JMJD1C: variants seen among roughly 807,000 people sequenced by gnomAD.
JMJD1C encodes jumonji domain-containing protein 1C.
Under a neutral mutation model 245.3 loss-of-function variants are expected in JMJD1C, and 31 were observed. The ratio of observed to expected loss-of-function variants is 0.13; its 90% CI spans 0.09 to 0.17. JMJD1C has a LOEUF of 0.17. JMJD1C is among the 10% of genes least tolerant of loss of function. The pLI is 1.00. For synonymous variants in JMJD1C, 1,057 were observed against 1,017.4 expected (o/e 1.04, Z -0.74); for missense variants, 2,691 against 3,000.2 (o/e 0.90, Z 2.41).
At chr10:63,230,034 T>C (rs1390900513) in intron 3 of JMJD1C, among the ~76,000 whole-genome samples, 2 of 152,200 alleles carry the variant, frequency 1.3e-5, no homozygotes. Context: ...GTCTAGCATG[T>C]CCACGGGCAA....
intron 2 of JMJD1C, among the ~76,000 whole-genome samples, chr10:63,357,864 CACAG>C (rs1303378198): frequency 8.6e-5 from 11 of 128,462 alleles, no homozygotes; most frequent in South Asian, 5.2e-4. Context: ...CACACACACA[CACAG>C]AGACAAACTC....
intron 1 of JMJD1C, among the ~76,000 whole-genome samples, chr10:63,422,348 T>C (rs1589718071): frequency 6.6e-6 from 1 of 152,006 alleles, no homozygotes; most frequent in South Asian, 2.1e-4. Context: ...GGAGGCGGGG[T>C]TGCAGTGAGC....
intron 1 of JMJD1C, among the ~76,000 whole-genome samples, chr10:63,421,712 A>G (rs1228887678): frequency 1.5e-4 from 23 of 152,212 alleles, no homozygotes; most frequent in Admixed American, 1.5e-3. Flanking sequence ...GAGACCCTGA[A>G]GTGAAATCTG....
intron 1 of JMJD1C, among the ~76,000 whole-genome samples, chr10:63,420,697 A>C (rs1190434382): frequency 6.7e-6 from 1 of 149,530 alleles, no homozygotes. Flanking sequence ...CCTGGGTAAC[A>C]AAACGAGACC....
intron 3 of JMJD1C, among the ~76,000 whole-genome samples, chr10:63,240,899 T>C (rs1186560303): frequency 6.6e-6 from 1 of 152,080 alleles, no homozygotes; most frequent in Non-Finnish European, 1.5e-5. Flanking sequence ...TAAAAAGAAC[T>C]GGAACAAAAA....
intron 1 of JMJD1C, among the ~76,000 whole-genome samples, chr10:63,480,042 G>A (rs534689598): frequency 6.6e-6 from 1 of 151,994 alleles, no homozygotes; most frequent in Non-Finnish European, 1.5e-5. Flanking sequence ...TGGTACTCTA[G>A]AATACCATTA....
At chr10:63,182,846 T>A (rs1474733146) in intron 22 of JMJD1C, among the ~76,000 whole-genome samples, 1 of 151,366 alleles carries the variant, frequency 6.6e-6, no homozygotes, top group Non-Finnish European at 1.5e-5. Flanking sequence ...CTTCAATAAA[T>A]TTTTTTTGTT....
chr10:63,216,268 C>T (rs1166644482), intron 5 of JMJD1C, among the ~76,000 whole-genome samples: 5 of 152,096 alleles, frequency 3.3e-5, no homozygotes, highest in African/African-American at 7.2e-5. Context: ...TGTATAAAGG[C>T]GCTCTATCAG....
chr10:63,233,073 T>G (rs1342419123), intron 3 of JMJD1C, among the ~76,000 whole-genome samples: 2 of 152,304 alleles, frequency 1.3e-5, no homozygotes, highest in South Asian at 4.1e-4. Context: ...ATTTTGACAT[T>G]CTGATCTAGA....
At position 63,189,301 on chromosome 10, in the gene JMJD1C, G is replaced by A; in HGVS notation, c.6437C>T (p.Ala2146Val). 1.2e-6 allele frequency: 2 copies of A among 1,613,686 alleles called. No individual in the cohort carries two copies. Among genetic ancestry groups the A allele is most frequent in the Non-Finnish European group, 1.7e-6 (2 of 1,179,784 alleles). ...GTATAATTTATTATTTTCATCCACTGCAGATATTATGCTTTCTTCAGGCTC... is the reference window on the plus strand; with the variant it reads ...GTATAATTTATTATTTTCATCCACTACAGATATTATGCTTTCTTCAGGCTC... ...KEEPEESIIS[A>V]VDENNKLYSD... The change falls in exon 18 of 26, where the codon GCA becomes GTA. Residue 2146 changes from alanine to valine, a missense_variant. Transcript: ENST00000399262.
chr10:63,199,091 C>T (rs1027017264), intron 11 of JMJD1C, among the ~76,000 whole-genome samples: 4 of 152,120 alleles, frequency 2.6e-5, no homozygotes, highest in African/African-American at 4.8e-5. Flanking sequence ...AAATCGGAAT[C>T]ACCAAAGCTG....
intron 1 of JMJD1C, among the ~76,000 whole-genome samples, chr10:63,510,408 A>G (rs964257639): frequency 2.6e-5 from 4 of 152,144 alleles, no homozygotes; most frequent in African/African-American, 9.7e-5. Context: ...CTGTATTTTC[A>G]TTTTGATTTA....
At chr10:63,296,684 T>C (rs1859468230) in intron 2 of JMJD1C, among the ~76,000 whole-genome samples, 1 of 152,180 alleles carries the variant, frequency 6.6e-6, no homozygotes, top group Non-Finnish European at 1.5e-5. Context: ...GTCAAGGAAG[T>C]GCCATTTTGG....
chr10:63,243,442 C>T (rs1321165401), intron 3 of JMJD1C, among the ~76,000 whole-genome samples: 1 of 152,094 alleles, frequency 6.6e-6, no homozygotes, highest in Non-Finnish European at 1.5e-5. Context: ...AGAAGAATCG[C>T]TTGAACCTGG....
intron 22 of JMJD1C, among the ~76,000 whole-genome samples, chr10:63,178,069 T>A (rs1843025351): frequency 2.0e-5 from 3 of 152,138 alleles, no homozygotes; most frequent in Admixed American, 2.0e-4. Context: ...GCCTCTCAAG[T>A]AGCTGGGACT....
chr10:63,408,713 GTTT>G, intron 1 of JMJD1C, among the ~76,000 whole-genome samples: 1 of 143,096 alleles, frequency 7.0e-6, no homozygotes, highest in Middle Eastern at 3.6e-3. Flanking sequence ...ATGTAGGGTG[GTTT>G]TTTTTTTTTT....
intron 3 of JMJD1C, among the ~76,000 whole-genome samples, chr10:63,230,200 T>C (rs1464681797): frequency 6.6e-6 from 1 of 152,136 alleles, no homozygotes; most frequent in African/African-American, 2.4e-5. Context: ...TGGTGAACCC[T>C]GTCTCTATTA....
intron 1 of JMJD1C, among the ~76,000 whole-genome samples, chr10:63,447,543 A>G (rs964803228): frequency 2.0e-5 from 3 of 152,144 alleles, no homozygotes; most frequent in African/African-American, 7.2e-5. Context: ...AAGCTTATAT[A>G]TTTTCCTTCA....
At chr10:63,223,279 T>A (rs1848841295) in intron 3 of JMJD1C, among the ~76,000 whole-genome samples, 1 of 149,884 alleles carries the variant, frequency 6.7e-6, no homozygotes, top group Admixed American at 6.6e-5. Flanking sequence ...CAGCCCGTAG[T>A]GTACTGGGCA....
Sources: gnomAD v4.1 joint callset for allele counts (sites outside exome capture counted in the v4.1 genomes callset) on GRCh38, gnomAD v4.1.1 for gene constraint, MANE v1.5 for transcripts, NCBI Gene and HGNC (gene_info 2026-07-23, HGNC 2026-07-21) for gene names.